SPAG16: variants seen among roughly 807,000 people sequenced by gnomAD.
SPAG16 encodes the protein sperm-associated antigen 16 protein.
A neutral mutation model predicts 80.4 loss-of-function variants in SPAG16; 86 were observed. That is an observed-to-expected ratio of 1.07 (90% confidence interval 0.90 to 1.28). SPAG16 has a LOEUF of 1.28. Among genes scored for constraint, SPAG16 ranks in the 50% most tolerant of loss-of-function variants. The pLI is 0.00. For synonymous variants in SPAG16, 294 were observed against 265.9 expected (o/e 1.11, Z -1.03); for missense variants, 870 against 765.3 (o/e 1.14, Z -1.61).
chr2:213,333,472 T>C (rs1002707701), intron 5 of SPAG16, among the ~76,000 whole-genome samples: 1 of 152,086 alleles, frequency 6.6e-6, no homozygotes. Context: ...AAAATACCCA[T>C]GAGATTCTTC....
rs577980482 is a variant in SPAG16, at chr2:213,853,200, A to G, written c.1071-9285A>G. Among the ~76,000 whole-genome samples, 25 of 152,360 alleles carry G rather than the reference A, an allele frequency of 1.6e-4. 2 individuals carry two copies. Among genetic ancestry groups the G allele is most frequent in the African/African-American group, 6.0e-4 (25 of 41,586 alleles). ...AATAACCTAAAGGGAAGACAAGGGT[A>G]TCTAATTAGTCTTTCTTGTGACAAT... On this transcript the variant is annotated intron_variant, in intron 10 of 15. Coordinates refer to ENST00000331683, the MANE Select transcript of SPAG16 (RefSeq NM_024532.5).
intron 10 of SPAG16, among the ~76,000 whole-genome samples, chr2:213,617,163 A>G (rs1001543759): frequency 8.5e-5 from 13 of 152,240 alleles, no homozygotes; most frequent in Non-Finnish European, 1.9e-4. Context: ...ACAGTACAAA[A>G]TAATCTAGTT....
intron 10 of SPAG16, among the ~76,000 whole-genome samples, chr2:213,763,796 C>T (rs1157898379): frequency 6.6e-6 from 1 of 152,168 alleles, no homozygotes; most frequent in Non-Finnish European, 1.5e-5. Context: ...GACCGTCTTG[C>T]TCTCATCCTT....
At chr2:213,871,829 T>G (rs1331146873) in intron 11 of SPAG16, among the ~76,000 whole-genome samples, 2 of 143,872 alleles carry the variant, frequency 1.4e-5, no homozygotes, top group African/African-American at 2.7e-5. Flanking sequence ...CTGAATTACC[T>G]CAGGAAATTC....
chr2:213,487,562 T>C (rs2074039587), intron 9 of SPAG16, among the ~76,000 whole-genome samples: 1 of 152,074 alleles, frequency 6.6e-6, no homozygotes, highest in African/African-American at 2.4e-5. Flanking sequence ...TATGCTTAGA[T>C]TGGATTGTTT....
rs571688318 is a variant in SPAG16, at chr2:213,970,866, C to T, written c.1400+40721C>T. 8.1e-4 allele frequency among the ~76,000 whole-genome samples: 124 copies of T among 152,286 alleles called. No homozygotes were observed. The Middle Eastern group carries it at 0.01, about 13-fold the overall frequency. On this transcript the variant is annotated intron_variant, in intron 12 of 15. Transcript: ENST00000331683. ...TTATTTAGTTTACATAATTATACCTCTTGCTCATAACCCTGACAGAACAGG... is the reference window on the plus strand; with the variant it reads ...TTATTTAGTTTACATAATTATACCTTTTGCTCATAACCCTGACAGAACAGG...
At chr2:213,509,774 G>A (rs1013917713) in intron 10 of SPAG16, among the ~76,000 whole-genome samples, 2 of 152,128 alleles carry the variant, frequency 1.3e-5, no homozygotes, top group African/African-American at 4.8e-5. Flanking sequence ...AAGCAAGAGC[G>A]AACACATTCA....
intron 13 of SPAG16, among the ~76,000 whole-genome samples, chr2:214,026,255 TACAC>T (rs557585369): frequency 2.9e-4 from 44 of 151,096 alleles, no homozygotes; most frequent in African/African-American, 1.0e-3. Flanking sequence ...ATATTATATA[TACAC>T]ACACACACAG....
At chr2:214,020,984 T>G (rs1224819294) in intron 13 of SPAG16, among the ~76,000 whole-genome samples, 1 of 152,182 alleles carries the variant, frequency 6.6e-6, no homozygotes, top group East Asian at 1.9e-4. Context: ...TTTTGTTTAT[T>G]GTTAAAATGT....
intron 10 of SPAG16, among the ~76,000 whole-genome samples, chr2:213,642,693 C>A (rs1217313954): frequency 1.7e-5 from 1 of 60,116 alleles, no homozygotes; most frequent in Non-Finnish European, 3.3e-5. Context: ...TAGTGGCGGG[C>A]GCCTGTAGTC....
chr2:214,298,644 G>C (rs1456443074), intron 15 of SPAG16, among the ~76,000 whole-genome samples: 1 of 152,172 alleles, frequency 6.6e-6, no homozygotes, highest in Non-Finnish European at 1.5e-5. Context: ...AAGAAAATGG[G>C]CTGAAGGGTA....
intron 10 of SPAG16, among the ~76,000 whole-genome samples, chr2:213,681,331 G>A (rs13013701): frequency 1.3e-5 from 2 of 151,994 alleles, no homozygotes; most frequent in Admixed American, 6.6e-5. Flanking sequence ...CATCTAATGC[G>A]AATTTATGGT....
At chr2:213,771,693 T>G (rs1353951651) in intron 10 of SPAG16, among the ~76,000 whole-genome samples, 1 of 152,100 alleles carries the variant, frequency 6.6e-6, no homozygotes, top group Non-Finnish European at 1.5e-5. Flanking sequence ...TTTCCACCAT[T>G]TATTAAATAG....
At chr2:213,656,948 C>CTGTCTGAACG (rs2063244523) in intron 10 of SPAG16, among the ~76,000 whole-genome samples, 1 of 152,046 alleles carries the variant, frequency 6.6e-6, no homozygotes, top group South Asian at 2.1e-4. Context: ...TAAATAAGAC[C>CTGTCTGAACG]TTTTCTATGC....
intron 13 of SPAG16, among the ~76,000 whole-genome samples, chr2:214,080,033 A>G (rs926152235): frequency 2.0e-5 from 3 of 152,176 alleles, no homozygotes; most frequent in Admixed American, 6.5e-5. Flanking sequence ...TGTTAAGACA[A>G]ACCTAACAGA....
intron 10 of SPAG16, among the ~76,000 whole-genome samples, chr2:213,750,376 T>C (rs2125484971): frequency 6.6e-6 from 1 of 152,274 alleles, no homozygotes; most frequent in Non-Finnish European, 1.5e-5. Flanking sequence ...AATGAAGAAA[T>C]TAAAGCATAC....
At chr2:214,089,109 G>C (rs1262014016) in intron 13 of SPAG16, among the ~76,000 whole-genome samples, 1 of 151,930 alleles carries the variant, frequency 6.6e-6, no homozygotes, top group Non-Finnish European at 1.5e-5. Flanking sequence ...TTCGACTGTA[G>C]AGTCCTTTAT....
chr2:213,410,922 A>T (rs540767668), intron 9 of SPAG16, among the ~76,000 whole-genome samples: 3 of 152,360 alleles, frequency 2.0e-5, no homozygotes, highest in South Asian at 4.1e-4. Context: ...CCCGAGGGCC[A>T]TCCAGCTTCC....
chr2:214,225,519 T>G (rs1433287946), intron 15 of SPAG16, among the ~76,000 whole-genome samples: 1 of 152,170 alleles, frequency 6.6e-6, no homozygotes, highest in Non-Finnish European at 1.5e-5. Flanking sequence ...TGTAAAATAT[T>G]AAGTTACTAT....
Sources: allele counts gnomAD v4.1 joint callset (sites outside exome capture counted in the v4.1 genomes callset), GRCh38; gene constraint gnomAD v4.1.1; transcripts MANE v1.5; gene names NCBI Gene and HGNC (gene_info 2026-07-23, HGNC 2026-07-21).